ADCY8: variants seen among roughly 807,000 people sequenced by gnomAD.
ADCY8 encodes adenylate cyclase type 8.
ADCY8 carries 51 observed loss-of-function variants against 119.7 expected under a neutral mutation model. That is an observed-to-expected ratio of 0.43 (90% CI 0.34 to 0.54). The LOEUF is 0.54. Among genes scored for constraint, ADCY8 ranks in the 20% least tolerant of loss-of-function variants. The pLI is 0.03. For synonymous variants in ADCY8, 665 were observed against 651.0 expected, an observed-to-expected ratio of 1.02 and a Z score of -0.33; for missense variants, 1,383 against 1,598.8, an observed-to-expected ratio of 0.87 and a Z score of 2.30.
At chr8:130,874,341 AT>A (rs2130422763) in intron 8 of ADCY8, among the ~76,000 whole-genome samples, 1 of 102,396 alleles carries the variant, frequency 9.8e-6, no homozygotes, top group South Asian at 3.1e-4. Flanking sequence ...AAATAAATAA[AT>A]AAATAAATAA....
At chr8:130,845,717 A>T (rs1817275565) in intron 11 of ADCY8, among the ~76,000 whole-genome samples, 1 of 152,202 alleles carries the variant, frequency 6.6e-6, no homozygotes, top group South Asian at 2.1e-4. Context: ...AATGGGACCT[A>T]GTCCCATCCT....
At chr8:130,939,646 G>C (rs907228158) in intron 4 of ADCY8, among the ~76,000 whole-genome samples, 7 of 152,166 alleles carry the variant, frequency 4.6e-5, no homozygotes, top group Non-Finnish European at 1.0e-4. Context: ...GTTTGACCTT[G>C]GATAAGACAC....
intron 9 of ADCY8, among the ~76,000 whole-genome samples, chr8:130,856,736 C>T (rs533964080): frequency 6.6e-6 from 1 of 152,232 alleles, no homozygotes; most frequent in South Asian, 2.1e-4. Flanking sequence ...ATAGTATATA[C>T]ACCTGGACAG....
chr8:130,953,763 T>C (rs1417465913), intron 2 of ADCY8, among the ~76,000 whole-genome samples: 1 of 152,172 alleles, frequency 6.6e-6, no homozygotes, highest in Non-Finnish European at 1.5e-5. Context: ...CAAGTCCTTC[T>C]CCCTCCTCTC....
At chr8:131,028,469 T>C (rs1292859814) in intron 1 of ADCY8, among the ~76,000 whole-genome samples, 2 of 152,034 alleles carry the variant, frequency 1.3e-5, no homozygotes, top group East Asian at 3.9e-4. Flanking sequence ...GCTCACCCGA[T>C]GAATGAGGGT....
At position 130,869,977 on chromosome 8, in the gene ADCY8, C is replaced by CTTCT. The variant is rs1343437958; in HGVS notation, c.2110-2032_2110-2031insAGAA. 9.6e-3 allele frequency among the ~76,000 whole-genome samples: 1,208 copies of CTTCT among 125,220 alleles called. 15 individuals carry two copies. The highest frequency in any genetic ancestry group is 0.033 in the African/African-American group (1,154 of 34,520). The allele number at this position is 125,220 out of a possible 152,430, so 82.1% of individuals were successfully genotyped here. On this transcript the variant is annotated intron_variant, in intron 8 of 17. Coordinates refer to ENST00000286355, the MANE Select transcript of ADCY8 (RefSeq NM_001115.3). ...TCTTCTTCTTCCTTCTTCCTTCTTC[C>CTTCT]TCCTCCTCCTCCTCCTCTCCTCTTC... is the stretch of plus-strand genomic sequence containing the variant.
chr8:130,871,383 A>C (rs1302164911), intron 8 of ADCY8, among the ~76,000 whole-genome samples: 1 of 152,154 alleles, frequency 6.6e-6, no homozygotes, highest in Admixed American at 6.5e-5. Context: ...CAGCTCTAAC[A>C]CCTATGCAAC....
chr8:131,039,991 TC>T lies in ADCY8; in HGVS notation c.342del (p.Ser115AlafsTer70). The T allele has an allele frequency of 6.4e-7, 1 of 1,570,572 alleles. No individual in the cohort carries two copies. On this transcript the variant is annotated frameshift_variant, in exon 1 of 18. Transcript: ENST00000286355. LOFTEE classifies it high-confidence loss of function. ...CCTCCGCTGCCGCTGGCACTGCCGC[TC>T]CCGCTGCGTTCCGGGAAGACTTTGG... ...CGTKVFPERS[G>X]SGSASGSGGG...
intron 6 of ADCY8, among the ~76,000 whole-genome samples, chr8:130,907,647 T>C (rs1819832165): frequency 6.6e-6 from 1 of 152,198 alleles, no homozygotes. Flanking sequence ...CGGTTCAGAC[T>C]CATGACTCAT....
chr8:131,008,009 A>G (rs12549392), intron 1 of ADCY8, among the ~76,000 whole-genome samples: 65,866 of 151,952 alleles, frequency 0.43, 14,601 homozygotes, highest in East Asian at 0.64. Flanking sequence ...AGGTGCTACT[A>G]TTATTATTAG....
At chr8:130,943,260 T>G in intron 4 of ADCY8, 91 bp downstream of exon 4, 2 of 897,174 alleles carry the variant, frequency 2.2e-6, no homozygotes. Flanking sequence ...GTAATGACAT[T>G]GGGGAAGAAG....
chr8:130,813,701 A>G (rs1357439890), intron 14 of ADCY8, among the ~76,000 whole-genome samples: 1 of 152,228 alleles, frequency 6.6e-6, no homozygotes, highest in Non-Finnish European at 1.5e-5. Flanking sequence ...ATATACAAAT[A>G]TGTCTTTGAG....
intron 11 of ADCY8, among the ~76,000 whole-genome samples, chr8:130,845,236 T>C (rs1288150886): frequency 6.6e-6 from 1 of 152,024 alleles, no homozygotes; most frequent in African/African-American, 2.4e-5. Context: ...TGTTTGGGGG[T>C]TCAGGTGTTA....
chr8:130,822,553 TC>T (rs1168651083), intron 12 of ADCY8, among the ~76,000 whole-genome samples: 1 of 150,834 alleles, frequency 6.6e-6, no homozygotes, highest in Non-Finnish European at 1.5e-5. Flanking sequence ...CATCCATCCA[TC>T]CATCCATCCA....
At position 130,780,539 on chromosome 8, in the gene ADCY8, G is replaced by A. The variant is rs1446053502; in HGVS notation, c.3607C>T (p.Leu1203Phe). The A allele has an allele frequency of 6.2e-7, 1 of 1,614,104 alleles. No homozygotes were observed. Among genetic ancestry groups the A allele is most frequent in the Non-Finnish European group, 8.5e-7 (1 of 1,180,016 alleles). Residue 1203 changes from leucine to phenylalanine, a missense_variant, in exon 18 of 18, where the codon CTC (leucine) becomes TTC (phenylalanine). Leu to Phe is a conservative substitution (Grantham distance 22). Coordinates refer to ENST00000286355, the MANE Select transcript of ADCY8 (RefSeq NM_001115.3). ...AGCTGCTTCTGCCTTTGCCTATTGA[G>A]GGACTGGACAAGTCCCAGGACAACC... ...AAVVLGLVQS[L>F]NRQRQKQLLN... is the part of the protein sequence containing the mutation.
chr8:131,039,894 T>TA lies in ADCY8; in HGVS notation c.439dup (p.Tyr147LeufsTer2). ...GGGGAAAATGACCCCTCGGTAGCTA[T>TA]AGCCCCCATTAAGAAAGAAATCCGA... On this transcript the variant is annotated frameshift_variant, in exon 1 of 18. Coordinates refer to ENST00000286355, the MANE Select transcript of ADCY8 (RefSeq NM_001115.3). LOFTEE classifies it high-confidence loss of function. 1 of 1,613,620 alleles carries TA rather than the reference T, an allele frequency of 6.2e-7. No individual in the cohort carries two copies. Among genetic ancestry groups the TA allele is most frequent in the Non-Finnish European group, 8.5e-7 (1 of 1,179,746 alleles).
intron 2 of ADCY8, among the ~76,000 whole-genome samples, chr8:130,976,921 A>G (rs1326158318): frequency 6.6e-6 from 1 of 152,184 alleles, no homozygotes; most frequent in Non-Finnish European, 1.5e-5. Flanking sequence ...GGAATTATTA[A>G]AATGGTTTTA....
intron 1 of ADCY8, among the ~76,000 whole-genome samples, chr8:131,010,809 T>C (rs1020264228): frequency 2.0e-5 from 3 of 152,228 alleles, no homozygotes; most frequent in African/African-American, 7.2e-5. Context: ...CCAACTGCTT[T>C]ATCTGGAGTT....
intron 14 of ADCY8, among the ~76,000 whole-genome samples, chr8:130,804,615 G>A (rs1312069660): frequency 1.3e-5 from 2 of 152,196 alleles, no homozygotes; most frequent in Non-Finnish European, 2.9e-5. Flanking sequence ...ATGCAGTCCA[G>A]ATCCCTTCCC....
Sources: gnomAD v4.1 joint callset for allele counts (sites outside exome capture counted in the v4.1 genomes callset) on GRCh38, gnomAD v4.1.1 for gene constraint, MANE v1.5 for transcripts, NCBI Gene and HGNC (gene_info 2026-07-23, HGNC 2026-07-21) for gene names.